The following FAM167A variants were observed in gnomAD, a reference collection of about 807,000 sequenced individuals.
FAM167A encodes the protein family with sequence similarity 167 member A, also known as protein FAM167A.
FAM167A carries 23 observed loss-of-function variants against 14.9 expected under a neutral mutation model. The observed-to-expected ratio is 1.55, with a 90% CI of 1.11 to 2.19. The LOEUF is 2.19. FAM167A is among the 30% of genes most tolerant of loss of function. The pLI is 0.00. For missense variants in FAM167A, 401 were observed against 281.5 expected (o/e 1.42, Z -3.04); for synonymous variants, 174 against 117.7 (o/e 1.48, Z -3.10).
upstream of FAM167A, among the ~76,000 whole-genome samples, chr8:11,470,381 A>T (rs1481735816): frequency 6.6e-6 from 1 of 152,176 alleles, no homozygotes; most frequent in Non-Finnish European, 1.5e-5. Flanking sequence ...TGCCACAATC[A>T]GGGGCCAGCA....
intron 1 of FAM167A, among the ~76,000 whole-genome samples, chr8:11,459,193 C>T (rs948091370): frequency 3.9e-5 from 6 of 152,030 alleles, no homozygotes; most frequent in African/African-American, 1.2e-4. Context: ...TAGTTTAGCC[C>T]TTGAAATGAC....
At chr8:11,456,103 TGTGTGTGTGA>T (rs1807272080) in intron 1 of FAM167A, among the ~76,000 whole-genome samples, 4 of 103,392 alleles carry the variant, frequency 3.9e-5, no homozygotes, top group East Asian at 2.8e-4. Context: ...CCTTGCTGTG[TGTGTGTGTGA>T]ATGTGGGAGG....
chr8:11,425,310 C>G (rs911976758), intron 2 of FAM167A, among the ~76,000 whole-genome samples: 7 of 152,070 alleles, frequency 4.6e-5, no homozygotes, highest in Non-Finnish European at 7.4e-5. Flanking sequence ...TAGAGGAGGA[C>G]ACAGAGGCAC....
At chr8:11,461,217 G>A (rs1362342799) in intron 1 of FAM167A, among the ~76,000 whole-genome samples, 1 of 152,252 alleles carries the variant, frequency 6.6e-6, no homozygotes, top group African/African-American at 2.4e-5. Context: ...CCAAGGCTGC[G>A]GGGCTCTGGG....
intron 1 of FAM167A, chr8:11,445,561 A>G (rs763674786): frequency 8.1e-6 from 8 of 985,534 alleles, no homozygotes; most frequent in Non-Finnish European, 8.4e-6. Flanking sequence ...AAGTGCCCGC[A>G]TGGCAGCACC....
intron 2 of FAM167A, among the ~76,000 whole-genome samples, chr8:11,426,632 C>CT (rs1411195279): frequency 1.3e-5 from 2 of 152,026 alleles, no homozygotes; most frequent in Admixed American, 6.5e-5. Flanking sequence ...TTTTGAGGGC[C>CT]TTAATATTTA....
intron 1 of FAM167A, among the ~76,000 whole-genome samples, chr8:11,453,385 CACTCA>C (rs1807102185): frequency 2.0e-5 from 3 of 152,224 alleles, no homozygotes; most frequent in African/African-American, 7.2e-5. Context: ...ATGTATGAAG[CACTCA>C]ATATGTGCCA....
chr8:11,475,018 G>A (rs1011495018), intron 1 of FAM167A, among the ~76,000 whole-genome samples: 1 of 152,122 alleles, frequency 6.6e-6, no homozygotes, highest in Admixed American at 6.5e-5. Flanking sequence ...GGAGCCCATG[G>A]GAGTCCCCTG....
chr8:11,435,997 G>A (rs960380476), intron 2 of FAM167A, among the ~76,000 whole-genome samples: 3 of 152,154 alleles, frequency 2.0e-5, no homozygotes, highest in Non-Finnish European at 4.4e-5. Flanking sequence ...CCTGGGTGCC[G>A]GGTCCCTGCC....
Position 11,444,758 on chromosome 8 carries a change from GA to G in FAM167A, c.-348del. On this transcript the variant is annotated 5_prime_UTR_variant, in exon 2 of 3. Transcript: ENST00000284486. ...ACGCACTCGAAGACCAGACTGGCAG[GA>G]AGAAGGCCCAGAGCTCTCTCTTCTC... The G allele has an allele frequency of 1.9e-6, 2 of 1,034,644 alleles. No homozygotes were observed. Among genetic ancestry groups the G allele is most frequent in the Non-Finnish European group, 2.3e-6 (2 of 862,154 alleles). 64.1% of individuals were successfully genotyped at this position (1,034,644 alleles called of 1,614,324 possible).
chr8:11,444,998 T>C (rs1806698401), intron 1 of FAM167A, 190 bp from the exon 2 acceptor site: 1 of 664,082 alleles, frequency 1.5e-6, no homozygotes, highest in African/African-American at 2.0e-5. Flanking sequence ...AATGAGCAAT[T>C]GAAAAATTGT....
Position 11,444,744 on chromosome 8 carries a change from G to T in FAM167A, c.-333C>A, listed in dbSNP as rs962370689. The T allele has an allele frequency of 6.6e-6, 7 of 1,055,914 alleles. No homozygotes were observed. Among genetic ancestry groups the T allele is most frequent in the Non-Finnish European group, 8.0e-6 (7 of 875,612 alleles). The allele number at this position is 1,055,914 out of a possible 1,614,324, so 65.4% of individuals were successfully genotyped here. A position where few individuals can be genotyped will look rare whatever the true frequency, so the allele number is the denominator to read the frequency against. On this transcript the variant is annotated 5_prime_UTR_variant, in exon 2 of 3. Coordinates refer to ENST00000284486, the MANE Select transcript of FAM167A (RefSeq NM_053279.3). ...TCTATCTGTCCTGAACGCACTCGAA[G>T]ACCAGACTGGCAGGAAGAAGGCCCA...
At chr8:11,438,636 A>G in intron 2 of FAM167A, 1 of 406,344 alleles carries the variant, frequency 2.5e-6, no homozygotes, top group South Asian at 1.8e-5. Context: ...ACTCAGAAAT[A>G]AAGATCATCA....
intron 1 of FAM167A, among the ~76,000 whole-genome samples, chr8:11,475,178 G>A (rs1011774790): frequency 1.3e-5 from 2 of 152,134 alleles, no homozygotes; most frequent in Non-Finnish European, 2.9e-5. Flanking sequence ...CCACCGTGGT[G>A]CCCCCACCTT....
At chr8:11,425,502 A>T (rs1805073144) in intron 2 of FAM167A, among the ~76,000 whole-genome samples, 1 of 152,206 alleles carries the variant, frequency 6.6e-6, no homozygotes, top group South Asian at 2.1e-4. Flanking sequence ...AAGGTTCCTA[A>T]TATTTTTAGT....
At chr8:11,443,037 C>A (rs1006316532) in intron 2 of FAM167A, among the ~76,000 whole-genome samples, 3 of 152,240 alleles carry the variant, frequency 2.0e-5, no homozygotes, top group Non-Finnish European at 2.9e-5. Flanking sequence ...GACCCAAGAG[C>A]CACTGCCGGC....
At chr8:11,454,433 A>C (rs1174584338) in intron 1 of FAM167A, among the ~76,000 whole-genome samples, 5 of 152,214 alleles carry the variant, frequency 3.3e-5, no homozygotes, top group South Asian at 2.1e-4. Context: ...TTGCGGTTTC[A>C]GCCAGGCCAG....
At chr8:11,461,242 G>A (rs934241461) in intron 1 of FAM167A, among the ~76,000 whole-genome samples, 21 of 152,268 alleles carry the variant, frequency 1.4e-4, no homozygotes, top group African/African-American at 4.3e-4. Flanking sequence ...GGCGGCCCTG[G>A]CAGGCAGGAA....
intron 2 of FAM167A, among the ~76,000 whole-genome samples, chr8:11,431,515 T>C (rs10448146): frequency 0.34 from 51,406 of 152,226 alleles, 10,144 homozygotes; most frequent in East Asian, 0.69. Context: ...ACATATAAAA[T>C]GGTACATTTT....
Sources: gnomAD v4.1 joint callset for allele counts (sites outside exome capture counted in the v4.1 genomes callset) on GRCh38, gnomAD v4.1.1 for gene constraint, MANE v1.5 for transcripts, NCBI Gene and HGNC (gene_info 2026-07-23, HGNC 2026-07-21) for gene names.